DFFB: variants seen among roughly 807,000 people sequenced by gnomAD.
The protein encoded by DFFB is DNA fragmentation factor 40 kDa subunit.
A neutral mutation model predicts 32.7 loss-of-function variants in DFFB; 29 were observed. The ratio of observed to expected loss-of-function variants is 0.89; its 90% CI spans 0.66 to 1.21. DFFB has a LOEUF of 1.21. Ranked by LOEUF, DFFB falls within the 50% of genes most tolerant of loss-of-function variation. DFFB has a pLI of 0.00. For synonymous variants in DFFB, 170 were observed against 177.1 expected (o/e 0.96, Z 0.32); for missense variants, 398 against 440.6 (o/e 0.90, Z 0.87).
intron 1 of DFFB, 79 bp from the exon 2 acceptor site, chr1:3,858,639 G>T (rs1644810381): frequency 6.5e-7 from 1 of 1,531,466 alleles, no homozygotes; most frequent in Non-Finnish European, 8.9e-7. Flanking sequence ...AGCTCATTCC[G>T]GTCGTTTGTG....
rs1251106385 is a variant in DFFB at position 3,865,481 on chromosome 1, A to G, written c.242-331A>G. 1.3e-5 allele frequency among the ~76,000 whole-genome samples: 2 copies of G among 152,134 alleles called. No homozygotes were observed. Among genetic ancestry groups the G allele is most frequent in the African/African-American group, 4.8e-5 (2 of 41,432 alleles). ...GGAAAAGTGATCGGAAGGATCTGAA[A>G]GCAAGGTCTCCAGGAAGGGCCAAAG... is the stretch of plus-strand genomic sequence containing the variant. On this transcript the variant is annotated intron_variant, in intron 2 of 6. Transcript: ENST00000378209. This position sits in a 1 kb window ranked among gnomAD's most constrained non-coding sequence, Gnocchi z 4.7.
intron 6 of DFFB, among the ~76,000 whole-genome samples, chr1:3,880,420 C>T (rs748749731): frequency 1.2e-4 from 19 of 152,196 alleles, no homozygotes; most frequent in South Asian, 4.1e-4. Flanking sequence ...GGGGGATCTG[C>T]GAGTCCTTTC....
Position 3,883,463 on chromosome 1 carries a change from G to C in DFFB, c.783-44G>C, listed in dbSNP as rs774525947. On this transcript the variant is annotated intron_variant, in intron 6 of 6. Transcript: ENST00000378209. ...ACACTGCTATGACCTGTTGCCTGTG[G>C]CACTGTGACCACAGAAAATGATGTC... is the stretch of plus-strand genomic sequence containing the variant. 5 of 1,573,676 alleles carry C rather than the reference G, an allele frequency of 3.2e-6. No homozygotes were observed. The Admixed American group carries it at 8.4e-5, about 26-fold the overall frequency.
At chr1:3,874,785 G>A (rs558943797) in intron 6 of DFFB, among the ~76,000 whole-genome samples, 21 of 135,246 alleles carry the variant, frequency 1.6e-4, no homozygotes, top group South Asian at 2.5e-4. Flanking sequence ...TGAATTTAAC[G>A]TCTACATACG....
chr1:3,879,292 G>A (rs1054717069), intron 6 of DFFB, among the ~76,000 whole-genome samples: 2 of 152,150 alleles, frequency 1.3e-5, no homozygotes, highest in South Asian at 2.1e-4. Flanking sequence ...TTCCGGGAGC[G>A]CCTGTTAGCT....
At chr1:3,860,135 A>G (rs1368500855) in intron 2 of DFFB, among the ~76,000 whole-genome samples, 2 of 152,130 alleles carry the variant, frequency 1.3e-5, no homozygotes, top group Admixed American at 6.5e-5. Flanking sequence ...CCTCTGTTGC[A>G]CAGGCTGGCC....
intron 5 of DFFB, among the ~76,000 whole-genome samples, 181 bp downstream of exon 5, chr1:3,869,956 A>T (rs1208152976): frequency 1.3e-5 from 2 of 152,198 alleles, no homozygotes; most frequent in African/African-American, 4.8e-5. Context: ...CTCAAGCTGC[A>T]GTGCACACAG....
intron 4 of DFFB, among the ~76,000 whole-genome samples, chr1:3,869,370 A>T (rs1645063534): frequency 6.6e-6 from 1 of 152,050 alleles, no homozygotes; most frequent in South Asian, 2.1e-4. Context: ...CTGTTATCTC[A>T]TCTAAGTCTC....
intron 3 of DFFB, among the ~76,000 whole-genome samples, chr1:3,866,579 A>G (rs1644985094): frequency 6.6e-6 from 1 of 152,136 alleles, no homozygotes; most frequent in Non-Finnish European, 1.5e-5. Context: ...TACATATGAC[A>G]TAAAATTTAC....
chr1:3,862,482 T>C (rs1479477919), intron 2 of DFFB, among the ~76,000 whole-genome samples: 1 of 152,208 alleles, frequency 6.6e-6, no homozygotes, highest in Non-Finnish European at 1.5e-5. Context: ...AAAGCCACAG[T>C]AATCAAGACT....
chr1:3,866,055 A>G, intron 3 of DFFB, 55 bp downstream of exon 3: 1 of 1,424,172 alleles, frequency 7.0e-7, no homozygotes, highest in Non-Finnish European at 9.4e-7. Flanking sequence ...CTGAGGTGCC[A>G]GAAGAAGTTG....
intron 4 of DFFB, among the ~76,000 whole-genome samples, chr1:3,869,094 C>G (rs1645057537): frequency 6.6e-6 from 1 of 152,116 alleles, no homozygotes; most frequent in Admixed American, 6.5e-5. Flanking sequence ...GAGTCTCACT[C>G]TGTTGCTCAG....
chr1:3,857,862 GC>G, intron 1 of DFFB, 145 bp downstream of exon 1: 1 of 573,500 alleles, frequency 1.7e-6, no homozygotes, highest in Non-Finnish European at 2.9e-6. Flanking sequence ...AGGACCCCGG[GC>G]CCCCGCAGCC....
At position 3,870,907 on chromosome 1, in the gene DFFB, C is replaced by T. The variant is rs1055322313; in HGVS notation, c.681+1132C>T. Among the ~76,000 whole-genome samples, 7 of 152,256 alleles carry T rather than the reference C, an allele frequency of 4.6e-5. No homozygotes were observed. The South Asian group carries it at 8.3e-4, about 18-fold the overall frequency. Reference sequence around the variant, plus strand: ...GAGTGCAAGTAGGCACTGGGGCTCCCGGCACGTGCTCTGCAGATGTCTGTT... The same window carrying T: ...GAGTGCAAGTAGGCACTGGGGCTCCTGGCACGTGCTCTGCAGATGTCTGTT... On this transcript the variant is annotated intron_variant, in intron 5 of 6. Transcript: ENST00000378209.
intron 2 of DFFB, among the ~76,000 whole-genome samples, chr1:3,862,607 C>A (rs913119135): frequency 3.3e-5 from 5 of 152,140 alleles, no homozygotes; most frequent in African/African-American, 1.2e-4. Context: ...AGAGTAGTAT[C>A]TTCAACAGAT....
chr1:3,872,024 CA>C (rs768692506), intron 5 of DFFB, among the ~76,000 whole-genome samples: 34 of 152,344 alleles, frequency 2.2e-4, no homozygotes, highest in Admixed American at 4.6e-4. Context: ...CACCTCCCAC[CA>C]GGCCCCGCCT....
intron 2 of DFFB, among the ~76,000 whole-genome samples, chr1:3,862,011 T>A (rs948125796): frequency 9.9e-5 from 15 of 152,220 alleles, no homozygotes; most frequent in African/African-American, 3.6e-4. Flanking sequence ...TGATTAGAAC[T>A]AATCATCAAG....
rs112721089 is a variant in DFFB at position 3,877,096 on chromosome 1, T to C, written c.782+4524T>C. ...ACACCATAGCGGGGTCCTCATGGCC[T>C]GTGTGAGCCCTGCCGCTGGGGAACT... On this transcript the variant is annotated intron_variant, in intron 6 of 6. Coordinates refer to ENST00000378209, the MANE Select transcript of DFFB (RefSeq NM_004402.4). Among the ~76,000 whole-genome samples the C allele has an allele frequency of 7.8e-3, 1,184 of 152,326 alleles. 11 individuals are homozygous for C. The highest frequency in any genetic ancestry group is 0.026 in the African/African-American group (1,100 of 41,570).
chr1:3,881,765 G>A (rs1256922193), intron 6 of DFFB, among the ~76,000 whole-genome samples: 4 of 152,114 alleles, frequency 2.6e-5, no homozygotes, highest in African/African-American at 9.7e-5. Flanking sequence ...AGCTACTCAG[G>A]AGGCTGAGGC....
Sources: allele counts gnomAD v4.1 joint callset (sites outside exome capture counted in the v4.1 genomes callset), GRCh38; gene constraint gnomAD v4.1.1; non-coding constraint Gnocchi (gnomAD v3.1); transcripts MANE v1.5; gene names NCBI Gene and HGNC (gene_info 2026-07-23, HGNC 2026-07-21).